Variants in ARID3C observed in about 807,000 individuals in gnomAD.
ARID3C encodes the protein AT-rich interaction domain 3C, also known as AT-rich interactive domain-containing protein 3C.
In ARID3C, 42 loss-of-function variants were observed where a neutral mutation model predicts 37.9. The ratio of observed to expected loss-of-function variants is 1.11; its 90% CI spans 0.87 to 1.43. ARID3C has a LOEUF of 1.43. Among genes scored for constraint, ARID3C ranks in the 40% most tolerant of loss-of-function variants. ARID3C has a pLI of 0.00. For synonymous variants in ARID3C, 213 were observed against 228.0 expected (o/e 0.93, Z 0.59); for missense variants, 581 against 548.8 (o/e 1.06, Z -0.59).
intron 2 of ARID3C, 147 bp downstream of exon 3, chr9:34,625,595 G>C (rs1587217040): frequency 1.4e-6 from 1 of 729,558 alleles, no homozygotes; most frequent in Admixed American, 2.6e-5. Flanking sequence ...GGAGGAGGGG[G>C]ACAGGGTCAG....
intron 2 of ARID3C, among the ~76,000 whole-genome samples, 176 bp from the exon 4 acceptor site, chr9:34,624,223 G>A (rs575206533): frequency 6.6e-6 from 1 of 151,916 alleles, no homozygotes; most frequent in South Asian, 2.1e-4. Flanking sequence ...CTAGAACGGG[G>A]GGGGGCAAAG....
At chr9:34,626,074 G>A (rs1031984353) in intron 1 of ARID3C, among the ~76,000 whole-genome samples, 1 of 152,204 alleles carries the variant, frequency 6.6e-6, no homozygotes, top group Admixed American at 6.5e-5. Flanking sequence ...GGGAAGAGAG[G>A]AACAGGATGG....
chr9:34,632,263 G>A (rs566620735), upstream of ARID3C, among the ~76,000 whole-genome samples: 3 of 152,206 alleles, frequency 2.0e-5, no homozygotes, highest in Admixed American at 6.5e-5. Flanking sequence ...ACCTAGGGAC[G>A]AGCACTACGG....
chr9:34,623,854 C>G lies in ARID3C; in HGVS notation c.575+10G>C. ...GCCCCCTTCCCTTCCGCTCCCGCCCCTGGCCTCACTGGGTGCGTAGAGTGA... is the reference window on the plus strand; with the variant it reads ...GCCCCCTTCCCTTCCGCTCCCGCCCGTGGCCTCACTGGGTGCGTAGAGTGA... On this transcript the variant is annotated intron_variant, in intron 3 of 6. Transcript: ENST00000378909. 6.3e-7 allele frequency: 1 copy of G among 1,584,356 alleles called. No individual in the cohort carries two copies. The highest frequency in any genetic ancestry group is 8.5e-7 in the Non-Finnish European group (1 of 1,170,396).
intron 2 of ARID3C, 57 bp from the exon 4 acceptor site, chr9:34,624,104 C>G (rs1820622545): frequency 6.6e-7 from 1 of 1,507,416 alleles, no homozygotes; most frequent in Admixed American, 2.0e-5. Flanking sequence ...TCTGCAGCAT[C>G]CCCAGGGACT....
intron 1 of ARID3C, among the ~76,000 whole-genome samples, chr9:34,627,075 T>C (rs1820665770): frequency 6.6e-6 from 1 of 152,214 alleles, no homozygotes; most frequent in South Asian, 2.1e-4. Context: ...TTAGTCATAC[T>C]GCGGCTGTAG....
upstream of ARID3C, among the ~76,000 whole-genome samples, chr9:34,630,167 C>T (rs550362113): frequency 7.2e-5 from 11 of 152,342 alleles, no homozygotes; most frequent in Non-Finnish European, 1.3e-4. Context: ...CCCATGTTCA[C>T]ACACATTCTC....
At position 34,622,825 on chromosome 9, in the gene ARID3C, C is replaced by T. The variant is rs547144586; in HGVS notation, c.866-296G>A. Among the ~76,000 whole-genome samples, 7 of 152,252 alleles carry T rather than the reference C, an allele frequency of 4.6e-5. No individual in the cohort carries two copies. The South Asian group carries it at 1.2e-3, about 27-fold the overall frequency. ...TATGCAAATAGGAGCACTGGGTGGACATGTGTGGAATGGAGTTGCTGTGAT... is the reference window on the plus strand; with the variant it reads ...TATGCAAATAGGAGCACTGGGTGGATATGTGTGGAATGGAGTTGCTGTGAT... On this transcript the variant is annotated intron_variant, in intron 4 of 6. Coordinates refer to ENST00000378909, the Ensembl canonical transcript of ARID3C.
chr9:34,621,764 T>C (rs1020033884), intron 6 of ARID3C, among the ~76,000 whole-genome samples: 1 of 152,086 alleles, frequency 6.6e-6, no homozygotes. Context: ...AAACAAGGAA[T>C]ATTTATGCTG....
chr9:34,629,157 T>A (rs949417992), upstream of ARID3C, among the ~76,000 whole-genome samples: 2 of 152,014 alleles, frequency 1.3e-5, no homozygotes, highest in Non-Finnish European at 2.9e-5. Context: ...CGCTCTCAGC[T>A]CCCCAACAGG....
intron 1 of ARID3C, 90 bp downstream of exon 2, chr9:34,627,607 G>T (rs1412393414): frequency 1.7e-6 from 2 of 1,186,614 alleles, no homozygotes; most frequent in Non-Finnish European, 2.4e-6. Flanking sequence ...GAGGGTGGTG[G>T]GGGTGGGTGG....
At chr9:34,622,053 T>C (rs1354880540) in exon 6 of ARID3C, 14 of 1,613,996 alleles carry the variant, frequency 8.7e-6, no homozygotes, top group Non-Finnish European at 1.2e-5. Context: ...TCTAGGGCCA[T>C]GTTGATACTG....
chr9:34,627,942 G>C, exon 1 of ARID3C: 1 of 1,552,770 alleles, frequency 6.4e-7, no homozygotes, highest in Non-Finnish European at 8.7e-7. Context: ...GGTGGCAGCA[G>C]CGGGCATGCA....
At chr9:34,625,153 A>G (rs1423519538) in intron 2 of ARID3C, among the ~76,000 whole-genome samples, 1 of 152,054 alleles carries the variant, frequency 6.6e-6, no homozygotes, top group Non-Finnish European at 1.5e-5. Flanking sequence ...GCAGAGAGAG[A>G]TAATGAGTCA....
chr9:34,624,825 T>C (rs1410624141), intron 2 of ARID3C, among the ~76,000 whole-genome samples: 1 of 151,752 alleles, frequency 6.6e-6, no homozygotes, highest in Non-Finnish European at 1.5e-5. Context: ...GCTGGAGCGG[T>C]GGGAGGCAGG....
At position 34,623,883 on chromosome 9, in the gene ARID3C, C is replaced by T. The variant is rs751753753; in HGVS notation, c.556G>A (p.Ala186Thr). 8.1e-6 allele frequency: 13 copies of T among 1,596,254 alleles called. No homozygotes were observed. The African/African-American group carries it at 1.5e-4, about 18-fold the overall frequency. The change falls in exon 3 of 7, where the codon GCC becomes ACC. Residue 186 changes from alanine to threonine, a missense_variant. Ala to Thr is a moderately conservative substitution (Grantham distance 58). Coordinates refer to ENST00000378909, the Ensembl canonical transcript of ARID3C. ...CCTCACTGGGTGCGTAGAGTGAAGG[C>T]GGCCGAGGTGATGGTGGTGGGTAGG...
At chr9:34,621,985 C>A in intron 6 of ARID3C, 35 bp downstream of exon 7, 2 of 1,601,418 alleles carry the variant, frequency 1.2e-6, no homozygotes, top group Non-Finnish European at 1.7e-6. Flanking sequence ...TACCCCTGAC[C>A]CCATGCCAGT....
upstream of ARID3C, among the ~76,000 whole-genome samples, chr9:34,630,334 TG>T (rs1250586098): frequency 6.6e-6 from 1 of 152,162 alleles, no homozygotes; most frequent in Non-Finnish European, 1.5e-5. Flanking sequence ...CTGAACAGCC[TG>T]GACCCCACTC....
chr9:34,622,155 T>C, intron 5 of ARID3C, 46 bp from the exon 7 acceptor site: 3 of 1,608,566 alleles, frequency 1.9e-6, no homozygotes, highest in Non-Finnish European at 2.6e-6. Flanking sequence ...GAATCAGACT[T>C]CTGACTTATT....
Sources: allele counts gnomAD v4.1 joint callset (sites outside exome capture counted in the v4.1 genomes callset), GRCh38; gene constraint gnomAD v4.1.1; transcripts MANE v1.5; gene names NCBI Gene and HGNC (gene_info 2026-07-23, HGNC 2026-07-21).